Variants in AGAP1 observed in about 807,000 individuals in gnomAD.
The protein encoded by AGAP1 is arf-GAP with GTPase, ANK repeat and PH domain-containing protein 1.
AGAP1 carries 29 observed loss-of-function variants against 105.3 expected under a neutral mutation model. That is an observed-to-expected ratio of 0.28 (90% CI 0.21 to 0.38). The LOEUF (loss-of-function observed/expected upper bound fraction) is 0.38. Ranked by LOEUF, AGAP1 falls within the 10% of genes least tolerant of loss-of-function variation. The probability of loss-of-function intolerance (pLI) is 1.00; values close to 1 mark genes in which losing one functional copy is unlikely to be tolerated. For missense variants in AGAP1, 998 were observed against 1,165.1 expected (o/e 0.86, Z 2.09); for synonymous variants, 509 against 485.9 (o/e 1.05, Z -0.63).
intron 6 of AGAP1, among the ~76,000 whole-genome samples, chr2:235,782,158 C>G (rs1000669927): frequency 5.3e-5 from 8 of 152,120 alleles, no homozygotes; most frequent in Non-Finnish European, 7.4e-5. Context: ...ACGCAGGGCA[C>G]CAAGAGCATG....
rs535251022 is a variant in AGAP1 at position 236,042,514 on chromosome 2, A to C, written c.1891+1673A>C. Among the ~76,000 whole-genome samples the C allele has an allele frequency of 4.6e-5, 7 of 152,228 alleles. No individual in the cohort carries two copies. The highest frequency in any genetic ancestry group is 1.0e-4 in the Non-Finnish European group (7 of 68,048). On this transcript the variant is annotated intron_variant, in intron 15 of 17. Transcript: ENST00000304032. The surrounding 1 kb of genome is among the most constrained non-coding windows in gnomAD (Gnocchi z 5.6). ...TGTGTTTCTATCAAAAAGTTTTAAA[A>C]GTAAGAGCTTTTTTAAAAGCACGAA... is the stretch of plus-strand genomic sequence containing the variant.
Position 236,051,896 on chromosome 2 carries a change from C to A in AGAP1, c.2114+2615C>A, listed in dbSNP as rs1394978561. 6.6e-6 allele frequency among the ~76,000 whole-genome samples: 1 copy of A among 152,144 alleles called. No individual in the cohort carries two copies. The highest frequency in any genetic ancestry group is 1.5e-5 in the Non-Finnish European group (1 of 68,020). On this transcript the variant is annotated intron_variant, in intron 16 of 17. Transcript: ENST00000304032. The surrounding 1 kb of genome is among the most constrained non-coding windows in gnomAD (Gnocchi z 5.9). ...CCAGCCCGATAACAGAGTAGAAATT[C>A]AGACTCCCACCACCTTCACCACCTC... is the stretch of plus-strand genomic sequence containing the variant.
chr2:235,912,225 G>A (rs1170427988), intron 11 of AGAP1, among the ~76,000 whole-genome samples: 1 of 152,182 alleles, frequency 6.6e-6, no homozygotes, highest in Non-Finnish European at 1.5e-5. Flanking sequence ...AGAAATTAAA[G>A]CATTTGGGGA....
At chr2:235,945,953 A>C (rs2053480004) in intron 12 of AGAP1, among the ~76,000 whole-genome samples, 1 of 152,024 alleles carries the variant, frequency 6.6e-6, no homozygotes, top group African/African-American at 2.4e-5. Flanking sequence ...AGATCTCATG[A>C]GACCAACACC....
rs998136295 is a variant in AGAP1, at chr2:235,931,022, G to A, written c.1483+99G>A. The stretch of plus-strand genomic sequence containing the variant: ...ACGCCCTAAGCTCTCATGCTCCTCT[G>A]GGAGCGCAGCACCCTGTGGGGCGGC... On this transcript the variant is annotated intron_variant, in intron 12 of 17. Transcript: ENST00000304032. This position sits in a 1 kb window ranked among gnomAD's most constrained non-coding sequence, Gnocchi z 5.6. The A allele has an allele frequency of 7.2e-6, 10 of 1,382,638 alleles. No homozygotes were observed. In the Admixed American group the frequency reaches 1.5e-4, roughly 20 times the overall value. The allele number at this position is 1,382,638 out of a possible 1,614,324, so 85.6% of individuals were successfully genotyped here.
At chr2:235,711,307 A>G (rs920104096) in intron 2 of AGAP1, among the ~76,000 whole-genome samples, 1 of 152,236 alleles carries the variant, frequency 6.6e-6, no homozygotes, top group Non-Finnish European at 1.5e-5. Flanking sequence ...ATCGTCAAGT[A>G]TTGAACCACC....
At chr2:236,031,115 A>C (rs1319352293) in intron 13 of AGAP1, among the ~76,000 whole-genome samples, 2 of 152,224 alleles carry the variant, frequency 1.3e-5, no homozygotes, top group Non-Finnish European at 2.9e-5. Context: ...GCATTTTAAA[A>C]TCCAAAACTG....
rs573399652 is a variant in AGAP1 at position 235,559,354 on chromosome 2, C to G, written c.163+64505C>G. On this transcript the variant is annotated intron_variant, in intron 1 of 17. Coordinates refer to ENST00000304032, the MANE Select transcript of AGAP1 (RefSeq NM_001037131.3). The surrounding 1 kb of genome is among the most constrained non-coding windows in gnomAD (Gnocchi z 5.7). Reference sequence around the variant, plus strand: ...CAAGTGCTGATGTTTTGTACTTGATCGGCTTCTCTGTGGCAAGCCAGAGGC... The same window carrying G: ...CAAGTGCTGATGTTTTGTACTTGATGGGCTTCTCTGTGGCAAGCCAGAGGC... Among the ~76,000 whole-genome samples, 2 of 152,304 alleles carry G rather than the reference C, an allele frequency of 1.3e-5. No individual in the cohort carries two copies. The highest frequency in any genetic ancestry group is 3.9e-4 in the East Asian group (2 of 5,184).
intron 1 of AGAP1, among the ~76,000 whole-genome samples, chr2:235,640,059 A>G (rs536365345): frequency 9.8e-5 from 15 of 152,358 alleles, no homozygotes; most frequent in African/African-American, 3.1e-4. Flanking sequence ...TTTGTTTACA[A>G]GCACTTAACT....
rs1478637338 is a variant in AGAP1, at chr2:235,719,217, G to A, written c.310+1573G>A. ...TGTTGCTCTGGCAGTCTCTGGCCCT[G>A]GGGTTCAGGTGTCTGGTGGGGCAGC... On this transcript the variant is annotated intron_variant, in intron 3 of 17. Transcript: ENST00000304032. This position sits in a 1 kb window ranked among gnomAD's most constrained non-coding sequence, Gnocchi z 4.9. Among the ~76,000 whole-genome samples, 2 of 152,186 alleles carry A rather than the reference G, an allele frequency of 1.3e-5. No individual in the cohort carries two copies. The highest frequency in any genetic ancestry group is 2.9e-5 in the Non-Finnish European group (2 of 68,032).
At chr2:235,682,191 G>A (rs1949112411) in intron 1 of AGAP1, among the ~76,000 whole-genome samples, 1 of 151,954 alleles carries the variant, frequency 6.6e-6, no homozygotes. Context: ...AACCGTATCA[G>A]CACTGTTTTT....
chr2:235,671,936 G>A (rs954924146), intron 1 of AGAP1, among the ~76,000 whole-genome samples: 2 of 152,126 alleles, frequency 1.3e-5, no homozygotes, highest in African/African-American at 4.8e-5. Context: ...TCACCCTGAG[G>A]GGGATTCTGG....
chr2:236,025,742 T>TA (rs1234352043), intron 13 of AGAP1, among the ~76,000 whole-genome samples: 1 of 151,952 alleles, frequency 6.6e-6, no homozygotes, highest in Non-Finnish European at 1.5e-5. Flanking sequence ...AATCCAGTTT[T>TA]AAAAAAAGGA....
intron 1 of AGAP1, chr2:235,671,149 C>T (rs1948398545): frequency 4.1e-6 from 5 of 1,214,536 alleles, no homozygotes; most frequent in South Asian, 3.9e-5. Context: ...CCTCCCGGGT[C>T]GGGAGCCTGC....
intron 1 of AGAP1, among the ~76,000 whole-genome samples, chr2:235,511,393 AGG>A (rs948598882): frequency 2.6e-5 from 4 of 151,736 alleles, no homozygotes; most frequent in African/African-American, 9.7e-5. Flanking sequence ...GCCCTCAGGG[AGG>A]GGGGCAGCCA....
At position 235,494,333 on chromosome 2, in the gene AGAP1, G is replaced by T. The variant is rs1941209944; in HGVS notation, c.-354G>T. 1 of 143,614 alleles carries T rather than the reference G, an allele frequency of 7.0e-6. No individual in the cohort carries two copies. The highest frequency in any genetic ancestry group is 6.8e-5 in the Admixed American group (1 of 14,642). 8.9% of individuals were successfully genotyped at this position (143,614 alleles called of 1,614,324 possible). On this transcript the variant is annotated 5_prime_UTR_variant, in exon 1 of 18. Coordinates refer to ENST00000304032, the MANE Select transcript of AGAP1 (RefSeq NM_001037131.3). ...TTTAATGGCTGCTCCGCGGAGCAGC[G>T]CCTAGGGCTGGAAGGCGGCTGCGGC... is the stretch of plus-strand genomic sequence containing the variant.
chr2:235,947,582 G>A (rs759512336), intron 12 of AGAP1, among the ~76,000 whole-genome samples: 2 of 152,142 alleles, frequency 1.3e-5, no homozygotes, highest in Admixed American at 6.5e-5. Flanking sequence ...ATTTTCCTCT[G>A]GGTAGATACC....
chr2:235,755,980 A>C (rs925573177), intron 6 of AGAP1, among the ~76,000 whole-genome samples: 1 of 152,184 alleles, frequency 6.6e-6, no homozygotes, highest in African/African-American at 2.4e-5. Context: ...TCAGAAGGCC[A>C]AGTCATGTTC....
chr2:236,016,132 C>G (rs1337884102), intron 13 of AGAP1, among the ~76,000 whole-genome samples: 1 of 151,580 alleles, frequency 6.6e-6, no homozygotes, highest in East Asian at 1.9e-4. Flanking sequence ...TTTCATTTCT[C>G]AAGGGAAAAT....
Sources: gnomAD v4.1 joint callset for allele counts (sites outside exome capture counted in the v4.1 genomes callset) on GRCh38, gnomAD v4.1.1 for gene constraint, Gnocchi (gnomAD v3.1) non-coding constraint, MANE v1.5 for transcripts, NCBI Gene and HGNC (gene_info 2026-07-23, HGNC 2026-07-21) for gene names.